RSRC1: variants seen among roughly 807,000 people sequenced by gnomAD.
The protein encoded by RSRC1 is serine/Arginine-related protein 53.
A neutral mutation model predicts 49.1 loss-of-function variants in RSRC1; 39 were observed. That is an observed-to-expected ratio of 0.79 (90% CI 0.61 to 1.04). RSRC1 has a LOEUF of 1.04. Among genes scored for constraint, RSRC1 ranks in the 50% least tolerant of loss-of-function variants. The pLI, the probability that RSRC1 is intolerant of heterozygous loss-of-function variation, is 0.00. For missense variants in RSRC1, 388 were observed against 402.4 expected, an observed-to-expected ratio of 0.96 and a Z score of 0.31; for synonymous variants, 143 against 130.8, an observed-to-expected ratio of 1.09 and a Z score of -0.63.
At chr3:158,320,481 A>G (rs1027462671) in intron 5 of RSRC1, among the ~76,000 whole-genome samples, 3 of 152,212 alleles carry the variant, frequency 2.0e-5, no homozygotes, top group African/African-American at 7.2e-5. Flanking sequence ...AATTATTAAT[A>G]AACTATTCAA....
At chr3:158,328,470 T>A (rs1299781269) in intron 5 of RSRC1, among the ~76,000 whole-genome samples, 2 of 152,198 alleles carry the variant, frequency 1.3e-5, no homozygotes, top group African/African-American at 4.8e-5. Flanking sequence ...CTGTAGAGGA[T>A]TGTATTTCTC....
Position 158,325,924 on chromosome 3 carries a change from C to T in RSRC1, c.531+27849C>T, listed in dbSNP as rs1027227133. Among the ~76,000 whole-genome samples, 106 of 152,196 alleles carry T rather than the reference C, an allele frequency of 7.0e-4. 1 individual carries two copies. Among genetic ancestry groups the T allele is most frequent in the Admixed American group, 3.9e-4 (6 of 15,290 alleles). ...TTTCCTTGAGCAGTGGATTGTAGTTCTCCTTGAAGAGATCCTTCACATCCC... is the reference window on the plus strand; with the variant it reads ...TTTCCTTGAGCAGTGGATTGTAGTTTTCCTTGAAGAGATCCTTCACATCCC... On this transcript the variant is annotated intron_variant, in intron 5 of 9. Coordinates refer to ENST00000611884, the MANE Select transcript of RSRC1 (RefSeq NM_001271838.2).
chr3:158,454,434 C>G (rs1236908807), intron 6 of RSRC1, among the ~76,000 whole-genome samples: 2 of 152,062 alleles, frequency 1.3e-5, no homozygotes, highest in African/African-American at 4.8e-5. Flanking sequence ...AATATTGTCA[C>G]TTAACTTTTT....
chr3:158,194,379 A>T (rs1402617642), intron 3 of RSRC1, among the ~76,000 whole-genome samples: 1 of 152,070 alleles, frequency 6.6e-6, no homozygotes, highest in Admixed American at 6.6e-5. Flanking sequence ...TCTTTTTTTT[A>T]AATATACACT....
intron 5 of RSRC1, among the ~76,000 whole-genome samples, chr3:158,346,899 G>A (rs1032006027): frequency 6.6e-6 from 1 of 152,134 alleles, no homozygotes; most frequent in African/African-American, 2.4e-5. Context: ...AGAAATTAGG[G>A]TATATCCTTA....
chr3:158,244,139 T>C (rs1307920456), intron 4 of RSRC1, among the ~76,000 whole-genome samples: 1 of 152,148 alleles, frequency 6.6e-6, no homozygotes, highest in East Asian at 1.9e-4. Context: ...CGGATAATCC[T>C]GGCCAGAACT....
chr3:158,282,656 A>G (rs1340999738), intron 4 of RSRC1, among the ~76,000 whole-genome samples: 1 of 152,202 alleles, frequency 6.6e-6, no homozygotes, highest in East Asian at 1.9e-4. Context: ...AGATTAAGAA[A>G]TTGTTATGAA....
intron 4 of RSRC1, among the ~76,000 whole-genome samples, chr3:158,229,467 CATA>C (rs1722830127): frequency 6.7e-6 from 1 of 148,512 alleles, no homozygotes; most frequent in Non-Finnish European, 1.5e-5. Flanking sequence ...TATGTATATA[CATA>C]ATTATATTCA....
intron 3 of RSRC1, among the ~76,000 whole-genome samples, chr3:158,150,665 T>G (rs1717469419): frequency 6.6e-6 from 1 of 152,112 alleles, no homozygotes; most frequent in Admixed American, 6.6e-5. Context: ...TGGCTTAGCT[T>G]GGTAGTTGGA....
At chr3:158,287,812 A>G (rs1406348424) in intron 4 of RSRC1, among the ~76,000 whole-genome samples, 1 of 152,204 alleles carries the variant, frequency 6.6e-6, no homozygotes, top group Non-Finnish European at 1.5e-5. Flanking sequence ...ATCTTTGGCT[A>G]GTGGAATTTC....
At chr3:158,457,210 C>T (rs567598610) in intron 6 of RSRC1, among the ~76,000 whole-genome samples, 3 of 151,958 alleles carry the variant, frequency 2.0e-5, no homozygotes, top group South Asian at 2.1e-4. Flanking sequence ...AATGAGGTCC[C>T]GAATGTGAGT....
intron 7 of RSRC1, among the ~76,000 whole-genome samples, chr3:158,507,024 G>A (rs1386497551): frequency 6.6e-6 from 1 of 152,010 alleles, no homozygotes; most frequent in East Asian, 1.9e-4. Context: ...TTTAAAATGT[G>A]TTGTATATAT....
intron 6 of RSRC1, among the ~76,000 whole-genome samples, chr3:158,441,342 C>T (rs1020971114): frequency 2.0e-5 from 3 of 151,936 alleles, no homozygotes; most frequent in Non-Finnish European, 2.9e-5. Flanking sequence ...TGAAGATCTA[C>T]GATCTTATCT....
chr3:158,232,024 A>G (rs1347586613), intron 4 of RSRC1, among the ~76,000 whole-genome samples: 1 of 152,086 alleles, frequency 6.6e-6, no homozygotes. Context: ...CTAAAATGTC[A>G]CTTGTTGTTA....
intron 6 of RSRC1, among the ~76,000 whole-genome samples, chr3:158,371,275 T>TA (rs1259061591): frequency 4.0e-5 from 6 of 151,856 alleles, no homozygotes; most frequent in Non-Finnish European, 5.9e-5. Flanking sequence ...AAATGCACCT[T>TA]TTTTAGTGAC....
intron 3 of RSRC1, among the ~76,000 whole-genome samples, chr3:158,137,527 A>G (rs1578122817): frequency 6.6e-6 from 1 of 152,148 alleles, no homozygotes; most frequent in African/African-American, 2.4e-5. Context: ...GTTTAGATCT[A>G]AAAGGAATAT....
intron 6 of RSRC1, among the ~76,000 whole-genome samples, chr3:158,423,677 A>G (rs1043437934): frequency 2.0e-4 from 31 of 152,076 alleles, no homozygotes; most frequent in Non-Finnish European, 1.0e-4. Flanking sequence ...CAGTATGGCC[A>G]TTTTCACGAT....
intron 3 of RSRC1, among the ~76,000 whole-genome samples, chr3:158,130,379 A>G (rs1295873084): frequency 2.0e-5 from 3 of 152,140 alleles, no homozygotes; most frequent in African/African-American, 7.2e-5. Flanking sequence ...ACACTTTTTG[A>G]CACTATTGAA....
At chr3:158,313,307 G>C (rs2108148529) in intron 5 of RSRC1, among the ~76,000 whole-genome samples, 1 of 152,204 alleles carries the variant, frequency 6.6e-6, no homozygotes, top group South Asian at 2.1e-4. Flanking sequence ...AGTGATAGTA[G>C]GCACTCAATA....
Sources: allele counts gnomAD v4.1 joint callset (sites outside exome capture counted in the v4.1 genomes callset), GRCh38; gene constraint gnomAD v4.1.1; transcripts MANE v1.5; gene names NCBI Gene and HGNC (gene_info 2026-07-23, HGNC 2026-07-21).